CNTN1: variants seen among roughly 807,000 people sequenced by gnomAD.
The protein encoded by CNTN1 is contactin 1, also known as contactin-1.
A neutral mutation model predicts 126.4 loss-of-function variants in CNTN1; 38 were observed. That is an observed-to-expected ratio of 0.30 (90% CI 0.23 to 0.39). The LOEUF (loss-of-function observed/expected upper bound fraction) is 0.39. CNTN1 is among the 10% of genes least tolerant of loss of function. CNTN1 has a pLI of 1.00. For synonymous variants in CNTN1, 413 were observed against 422.6 expected (o/e 0.98, Z 0.28); for missense variants, 1,009 against 1,248.4 (o/e 0.81, Z 2.89).
chr12:40,762,922 G>A (rs944880345), intron 1 of CNTN1, among the ~76,000 whole-genome samples: 2 of 152,232 alleles, frequency 1.3e-5, no homozygotes, highest in Non-Finnish European at 2.9e-5. Flanking sequence ...CTGGTCCCCA[G>A]TGTTGGAGGT....
chr12:40,787,463 A>G (rs1565735727), intron 1 of CNTN1, among the ~76,000 whole-genome samples: 1 of 152,122 alleles, frequency 6.6e-6, no homozygotes, highest in Non-Finnish European at 1.5e-5. Context: ...TTATAATTGA[A>G]TTATTTTGGA....
chr12:40,785,946 C>T (rs1192953690), intron 1 of CNTN1, among the ~76,000 whole-genome samples: 3 of 152,126 alleles, frequency 2.0e-5, no homozygotes, highest in Admixed American at 6.6e-5. Flanking sequence ...TCACCTACAA[C>T]ATTGGGGATT....
At chr12:40,975,393 A>G (rs1040900939) in intron 15 of CNTN1, among the ~76,000 whole-genome samples, 6 of 152,026 alleles carry the variant, frequency 3.9e-5, no homozygotes, top group Non-Finnish European at 7.4e-5. Flanking sequence ...TGACAGAATG[A>G]CAGGAGATCA....
chr12:40,846,889 A>G (rs756412778), intron 1 of CNTN1, among the ~76,000 whole-genome samples: 1 of 150,806 alleles, frequency 6.6e-6, no homozygotes, highest in Non-Finnish European at 1.5e-5. Flanking sequence ...TTTTTCTGAG[A>G]TGGAGTCTCA....
Position 41,063,536 on chromosome 12 carries a change from C to T in CNTN1, c.2981-6423C>T, listed in dbSNP as rs115331670. Among the ~76,000 whole-genome samples the T allele has an allele frequency of 4.0e-3, 604 of 152,096 alleles. 7 individuals carry two copies. The highest frequency in any genetic ancestry group is 0.014 in the African/African-American group (580 of 41,480). On this transcript the variant is annotated intron_variant, in intron 23 of 23. Transcript: ENST00000551295. The stretch of plus-strand genomic sequence containing the variant: ...TAGTCTCTTTTTTGCCCCAGAACTC[C>T]TCTTTTGCTCCTGGATCCACACAGC...
chr12:40,901,622 G>A (rs1028053894), intron 1 of CNTN1, among the ~76,000 whole-genome samples: 9 of 152,140 alleles, frequency 5.9e-5, no homozygotes, highest in African/African-American at 2.2e-4. Context: ...CATGTATACG[G>A]CACACACATT....
chr12:41,004,276 T>C (rs1019643906), intron 17 of CNTN1, among the ~76,000 whole-genome samples: 1 of 152,240 alleles, frequency 6.6e-6, no homozygotes, highest in Non-Finnish European at 1.5e-5. Context: ...TCTTGATTTC[T>C]AATTTGATTT....
At chr12:41,006,680 G>T (rs1271840803) in intron 17 of CNTN1, among the ~76,000 whole-genome samples, 1 of 152,206 alleles carries the variant, frequency 6.6e-6, no homozygotes, top group African/African-American at 2.4e-5. Context: ...CTTGCTTTCA[G>T]CACTCTAAGG....
chr12:40,836,078 G>A (rs566081133), intron 1 of CNTN1, among the ~76,000 whole-genome samples: 5 of 103,506 alleles, frequency 4.8e-5, no homozygotes, highest in Admixed American at 1.9e-4. Flanking sequence ...GTATATATAC[G>A]TACATATACA....
chr12:41,039,568 TC>T (rs929123400), intron 23 of CNTN1, among the ~76,000 whole-genome samples: 59 of 152,264 alleles, frequency 3.9e-4, no homozygotes, highest in African/African-American at 1.4e-3. Flanking sequence ...ATATGCTAGT[TC>T]AATATGCCTA....
chr12:41,020,521 A>C, intron 20 of CNTN1, 81 bp downstream of exon 20: 1 of 871,144 alleles, frequency 1.1e-6, no homozygotes, highest in South Asian at 1.5e-5. Context: ...GTATGTTTCA[A>C]TGTCCCATTA....
chr12:41,053,142 C>T (rs982152989), intron 23 of CNTN1, among the ~76,000 whole-genome samples: 6 of 151,236 alleles, frequency 4.0e-5, no homozygotes, highest in African/African-American at 1.2e-4. Flanking sequence ...AATAATGATG[C>T]CATCACATTT....
chr12:40,987,525 TAAG>T (rs1353921060), intron 16 of CNTN1, among the ~76,000 whole-genome samples: 1 of 152,128 alleles, frequency 6.6e-6, no homozygotes, highest in Non-Finnish European at 1.5e-5. Flanking sequence ...TGTGTGTATG[TAAG>T]AAGATGTTGG....
In CNTN1 at chr12:41,019,890, T is replaced by C. The variant is rs1432524751; in HGVS notation, c.2420-447T>C. 2.6e-5 allele frequency among the ~76,000 whole-genome samples: 4 copies of C among 152,142 alleles called. No individual in the cohort carries two copies. The East Asian group carries it at 7.7e-4, about 29-fold the overall frequency. ...ATTATATTGAACAATTTTCTATAAT[T>C]CCAAATTTCCTATTTCTGATAATAT... On this transcript the variant is annotated intron_variant, in intron 19 of 23. Coordinates refer to ENST00000551295, the MANE Select transcript of CNTN1 (RefSeq NM_001843.4).
At chr12:40,972,528 A>C (rs1193605872) in intron 15 of CNTN1, 1 of 851,600 alleles carries the variant, frequency 1.2e-6, no homozygotes, top group African/African-American at 1.8e-5. Flanking sequence ...AGGGAAATGA[A>C]TATAACTCTT....
intron 1 of CNTN1, among the ~76,000 whole-genome samples, chr12:40,893,543 A>T (rs1230002605): frequency 6.6e-6 from 1 of 152,112 alleles, no homozygotes; most frequent in African/African-American, 2.4e-5. Flanking sequence ...CACAAGTCAA[A>T]GGTATCTCTT....
chr12:41,032,698 C>G (rs1041810607), intron 23 of CNTN1, among the ~76,000 whole-genome samples: 4 of 152,230 alleles, frequency 2.6e-5, no homozygotes, highest in African/African-American at 9.6e-5. Flanking sequence ...GCAGGCTACT[C>G]TGAGTAAATC....
At chr12:41,022,332 T>C (rs147979502) in intron 20 of CNTN1, among the ~76,000 whole-genome samples, 4 of 152,218 alleles carry the variant, frequency 2.6e-5, no homozygotes, top group Admixed American at 6.5e-5. Context: ...CCATGAGGAG[T>C]TGGTTTCACA....
intron 15 of CNTN1, chr12:40,979,248 G>A (rs1947760553): frequency 6.6e-6 from 1 of 152,052 alleles, no homozygotes; most frequent in Admixed American, 6.6e-5. Context: ...GTCATGGATA[G>A]GGTATGTGTC....
Sources: allele counts gnomAD v4.1 joint callset (sites outside exome capture counted in the v4.1 genomes callset), GRCh38; gene constraint gnomAD v4.1.1; transcripts MANE v1.5; gene names NCBI Gene and HGNC (gene_info 2026-07-23, HGNC 2026-07-21).